Variants in EDIL3 observed in about 807,000 individuals in gnomAD.
EDIL3 encodes EGF-like repeat and discoidin I-like domain-containing protein 3.
Under a neutral mutation model 67.4 loss-of-function variants are expected in EDIL3, and 37 were observed. The observed-to-expected ratio is 0.55, with a 90% CI of 0.42 to 0.72. The LOEUF (loss-of-function observed/expected upper bound fraction) is 0.72. EDIL3 is among the 30% of genes least tolerant of loss of function. EDIL3 has a pLI of 0.00. For synonymous variants in EDIL3, 195 were observed against 196.3 expected (o/e 0.99, Z 0.05); for missense variants, 527 against 586.3 (o/e 0.90, Z 1.04).
At chr5:84,209,126 C>CA (rs1179434723) in intron 3 of EDIL3, among the ~76,000 whole-genome samples, 18 of 150,062 alleles carry the variant, frequency 1.2e-4, no homozygotes, top group Admixed American at 4.0e-4. Flanking sequence ...ATCGCAAGGA[C>CA]AAAAAACCAA....
chr5:84,119,124 T>G (rs1747725280), intron 5 of EDIL3, among the ~76,000 whole-genome samples: 1 of 151,410 alleles, frequency 6.6e-6, no homozygotes, highest in Non-Finnish European at 1.5e-5. Flanking sequence ...TAAAAAGTCG[T>G]AGTTGGAGGA....
chr5:84,203,021 C>T (rs992749279), intron 3 of EDIL3, among the ~76,000 whole-genome samples: 26 of 152,056 alleles, frequency 1.7e-4, no homozygotes, highest in African/African-American at 6.3e-4. Context: ...GCAAAAGAAA[C>T]AGGACACTAA....
At chr5:83,999,514 G>A (rs957408390) in intron 9 of EDIL3, among the ~76,000 whole-genome samples, 6 of 152,076 alleles carry the variant, frequency 3.9e-5, no homozygotes, top group Non-Finnish European at 5.9e-5. Flanking sequence ...GAATGCATCA[G>A]AGTTTTTTAG....
At chr5:84,349,276 A>G (rs1400693253) in intron 1 of EDIL3, among the ~76,000 whole-genome samples, 1 of 152,118 alleles carries the variant, frequency 6.6e-6, no homozygotes, top group Non-Finnish European at 1.5e-5. Context: ...TTAATTGACA[A>G]TAGCCGTTCC....
In EDIL3 at chr5:83,941,345, A is replaced by G. The variant is rs1195417897; in HGVS notation, c.*2074T>C. ...ATATAATTTTAATCAACTTCCTTGGAAAATATTTTTAAAACAGGTATCAAT... is the reference window on the plus strand; with the variant it reads ...ATATAATTTTAATCAACTTCCTTGGGAAATATTTTTAAAACAGGTATCAAT... On this transcript the variant is annotated 3_prime_UTR_variant, in exon 11 of 11. Coordinates refer to ENST00000296591, the MANE Select transcript of EDIL3 (RefSeq NM_005711.5). 6.6e-6 allele frequency: 1 copy of G among 152,072 alleles called. No homozygotes were observed. The highest frequency in any genetic ancestry group is 2.4e-5 in the African/African-American group (1 of 41,462). The allele number at this position is 152,072 out of a possible 1,614,324, so 9.4% of individuals were successfully genotyped here.
chr5:84,380,042 G>A (rs1748043104), intron 1 of EDIL3, among the ~76,000 whole-genome samples: 1 of 151,950 alleles, frequency 6.6e-6, no homozygotes, highest in African/African-American at 2.4e-5. Flanking sequence ...AATACATTCA[G>A]TTTAAGTATT....
At chr5:84,158,236 A>G (rs1001118637) in intron 4 of EDIL3, among the ~76,000 whole-genome samples, 2 of 152,042 alleles carry the variant, frequency 1.3e-5, no homozygotes, top group East Asian at 1.9e-4. Flanking sequence ...TTATTCAGCA[A>G]TTCACAAAAA....
intron 1 of EDIL3, among the ~76,000 whole-genome samples, chr5:84,382,228 C>T (rs575828610): frequency 4.9e-4 from 75 of 152,344 alleles, no homozygotes; most frequent in Middle Eastern, 6.8e-3. Context: ...TATGGAGCAT[C>T]CAGCTTCCCG....
At chr5:84,029,958 G>T (rs1001708976) in intron 9 of EDIL3, among the ~76,000 whole-genome samples, 1 of 152,116 alleles carries the variant, frequency 6.6e-6, no homozygotes, top group African/African-American at 2.4e-5. Context: ...TTTGTTTAAG[G>T]AAGATAAATC....
rs1302393862 is a variant in EDIL3, at chr5:83,943,445, G to T, written c.1417C>A (p.Leu473Met). Residue 473 changes from leucine to methionine, a missense_variant, in exon 11 of 11, where the codon CTG (leucine) becomes ATG (methionine). Physicochemically the swap from Leu to Met is conservative, Grantham distance 15. Coordinates refer to ENST00000296591, the MANE Select transcript of EDIL3 (RefSeq NM_005711.5). ...WYGRITLRSE[L>M]LGCTEEE is the part of the protein sequence containing the mutation. ...CATTCCTCCTCTGTGCAGCCCAGCA[G>T]CTCTGACCGCAATGTGATCCTCCCG... 1 of 1,612,588 alleles carries T rather than the reference G, an allele frequency of 6.2e-7. No homozygotes were observed. The highest frequency in any genetic ancestry group is 1.3e-5 in the African/African-American group (1 of 74,798).
At chr5:84,173,118 C>A (rs1051263996) in intron 4 of EDIL3, among the ~76,000 whole-genome samples, 9 of 152,158 alleles carry the variant, frequency 5.9e-5, no homozygotes, top group Admixed American at 5.9e-4. Flanking sequence ...CCTAGGCTGG[C>A]CATGCATGTC....
At chr5:84,345,758 G>A (rs1427799783) in intron 1 of EDIL3, among the ~76,000 whole-genome samples, 1 of 152,054 alleles carries the variant, frequency 6.6e-6, no homozygotes, top group Non-Finnish European at 1.5e-5. Flanking sequence ...AATTAACCAA[G>A]CATTTTTGCA....
At position 84,036,609 on chromosome 5, in the gene EDIL3, G is replaced by T. The variant is rs1278977498; in HGVS notation, c.1137+23691C>A. 5.3e-5 allele frequency among the ~76,000 whole-genome samples: 8 copies of T among 152,216 alleles called. No individual in the cohort carries two copies. The East Asian group carries it at 1.6e-3, about 30-fold the overall frequency. ...TCTGCCAACAAACCTCAAGCAGGTG[G>T]GAATTTTAAGAAGTCCCGCATTGAG... On this transcript the variant is annotated intron_variant, in intron 9 of 10. Transcript: ENST00000296591.
chr5:84,023,954 G>A (rs1299081031), intron 9 of EDIL3, among the ~76,000 whole-genome samples: 1 of 152,082 alleles, frequency 6.6e-6, no homozygotes, highest in Non-Finnish European at 1.5e-5. Flanking sequence ...GATTAAATTT[G>A]AATAATTAAT....
intron 5 of EDIL3, among the ~76,000 whole-genome samples, chr5:84,133,909 A>AT (rs1748042865): frequency 6.6e-6 from 1 of 152,064 alleles, no homozygotes; most frequent in African/African-American, 2.4e-5. Context: ...AGAAATATGT[A>AT]TTATTGCCTT....
In EDIL3 at chr5:84,274,192, G is replaced by A. The variant is rs544594340; in HGVS notation, c.68-19980C>T. ...TGCAATCATGGCTCACTGCAGCCTC[G>A]AACTTCCAGGCTCATGTGATTCTCC... On this transcript the variant is annotated intron_variant, in intron 1 of 10. Transcript: ENST00000296591. Among the ~76,000 whole-genome samples the A allele has an allele frequency of 1.4e-4, 22 of 152,116 alleles. 2 individuals carry two copies. In the South Asian group the frequency reaches 4.2e-3, roughly 29 times the overall value.
At chr5:84,039,659 T>C (rs1449888242) in intron 9 of EDIL3, among the ~76,000 whole-genome samples, 1 of 152,038 alleles carries the variant, frequency 6.6e-6, no homozygotes, top group Non-Finnish European at 1.5e-5. Flanking sequence ...GAAGTGAAAA[T>C]AGGATTGCTG....
intron 4 of EDIL3, among the ~76,000 whole-genome samples, chr5:84,143,586 A>G (rs1006728786): frequency 2.0e-5 from 3 of 152,040 alleles, no homozygotes; most frequent in African/African-American, 7.2e-5. Context: ...TGGGTTGTTT[A>G]TATTAATTAT....
At chr5:84,048,340 G>T in intron 9 of EDIL3, 1 of 344,630 alleles carries the variant, frequency 2.9e-6, no homozygotes, top group Non-Finnish European at 5.8e-6. Flanking sequence ...TTTATGTCTA[G>T]AATACTCCCT....
Sources: gnomAD v4.1 joint callset for allele counts (sites outside exome capture counted in the v4.1 genomes callset) on GRCh38, gnomAD v4.1.1 for gene constraint, MANE v1.5 for transcripts, NCBI Gene and HGNC (gene_info 2026-07-23, HGNC 2026-07-21) for gene names.